Variants in MARCHF3 observed in about 807,000 individuals in gnomAD.
MARCHF3 encodes membrane associated ring-CH-type finger 3, also known as E3 ubiquitin-protein ligase MARCHF3.
In MARCHF3, 13 loss-of-function variants were observed where a neutral mutation model predicts 24.2. The ratio of observed to expected loss-of-function variants is 0.54; its 90% CI spans 0.35 to 0.85. The LOEUF (loss-of-function observed/expected upper bound fraction) is 0.85, where lower values mean the gene tolerates loss of function less well. Among genes scored for constraint, MARCHF3 ranks in the 40% least tolerant of loss-of-function variants. MARCHF3 has a pLI of 0.01. For synonymous variants in MARCHF3, 144 were observed against 137.3 expected (o/e 1.05, Z -0.34); for missense variants, 276 against 325.0 (o/e 0.85, Z 1.16).
intron 3 of MARCHF3, among the ~76,000 whole-genome samples, chr5:126,888,833 T>C (rs544656337): frequency 6.6e-6 from 1 of 152,298 alleles, no homozygotes; most frequent in Admixed American, 6.5e-5. Flanking sequence ...GGCACAATCT[T>C]GGCTCACTGC....
At chr5:127,025,155 T>C (rs558627910) in intron 1 of MARCHF3, among the ~76,000 whole-genome samples, 43 of 152,210 alleles carry the variant, frequency 2.8e-4, no homozygotes, top group African/African-American at 1.0e-3. Context: ...ACTGAGTTAA[T>C]ATAACAGGGA....
chr5:126,968,657 C>A (rs1024813304), intron 1 of MARCHF3, among the ~76,000 whole-genome samples: 1 of 152,156 alleles, frequency 6.6e-6, no homozygotes, highest in African/African-American at 2.4e-5. Flanking sequence ...CTCACTGCAA[C>A]CTCCACCTCC....
chr5:126,934,383 C>G (rs1749571368), intron 1 of MARCHF3, among the ~76,000 whole-genome samples: 1 of 151,986 alleles, frequency 6.6e-6, no homozygotes, highest in African/African-American at 2.4e-5. Flanking sequence ...TTCTATCTGA[C>G]TTAACTTCTA....
chr5:126,960,959 T>C (rs888050945), intron 1 of MARCHF3, among the ~76,000 whole-genome samples: 3 of 152,142 alleles, frequency 2.0e-5, no homozygotes, highest in African/African-American at 7.2e-5. Context: ...AAGTACTCAC[T>C]AGAATGAATT....
intron 3 of MARCHF3, among the ~76,000 whole-genome samples, chr5:126,911,459 C>A (rs1754529552): frequency 6.6e-6 from 1 of 152,126 alleles, no homozygotes; most frequent in African/African-American, 2.4e-5. Context: ...TAGAAAAGAA[C>A]CTACATGACT....
intron 3 of MARCHF3, among the ~76,000 whole-genome samples, chr5:126,914,253 G>C (rs928143801): frequency 6.6e-6 from 1 of 151,938 alleles, no homozygotes; most frequent in Non-Finnish European, 1.5e-5. Context: ...AAAGTGCTGG[G>C]ATTACAGACA....
chr5:126,891,503 A>G (rs1246677112), intron 3 of MARCHF3, among the ~76,000 whole-genome samples: 3 of 100,972 alleles, frequency 3.0e-5, no homozygotes, highest in African/African-American at 4.3e-5. Context: ...AGCTTTCTAC[A>G]TATGGCTAGC....
At position 126,913,201 on chromosome 5, in the gene MARCHF3, C is replaced by A. The variant is rs755000226; in HGVS notation, c.393+1729G>T. 3.1e-4 allele frequency among the ~76,000 whole-genome samples: 47 copies of A among 152,302 alleles called. 1 individual carries two copies. Among genetic ancestry groups the A allele is most frequent in the Non-Finnish European group, 5.0e-4 (34 of 68,024 alleles). ...GTGTGCACACACAGATGCACACACA[C>A]CCTCCTTTGTTATATATTACGTGCA... On this transcript the variant is annotated intron_variant, in intron 3 of 4. Coordinates refer to ENST00000308660, the MANE Select transcript of MARCHF3 (RefSeq NM_178450.5).
chr5:126,999,100 G>A (rs1752040149), intron 1 of MARCHF3, among the ~76,000 whole-genome samples: 1 of 152,154 alleles, frequency 6.6e-6, no homozygotes, highest in Non-Finnish European at 1.5e-5. Flanking sequence ...GAATACCTAA[G>A]TCAGCAAAAC....
At chr5:127,026,412 C>T (rs1326962349) in intron 1 of MARCHF3, among the ~76,000 whole-genome samples, 4 of 152,178 alleles carry the variant, frequency 2.6e-5, no homozygotes, top group African/African-American at 4.8e-5. Flanking sequence ...TAGGCTTTGC[C>T]GCTTTTGTAA....
chr5:126,881,200 A>C (rs771488211), intron 3 of MARCHF3, among the ~76,000 whole-genome samples: 1 of 151,878 alleles, frequency 6.6e-6, no homozygotes, highest in Admixed American at 6.6e-5. Context: ...TGTTAACTCT[A>C]GTTTTGGGGG....
In MARCHF3 at chr5:126,939,792, C is replaced by T. The variant is rs141735760; in HGVS notation, c.-56-21565G>A. Among the ~76,000 whole-genome samples, 293 of 152,278 alleles carry T rather than the reference C, an allele frequency of 1.9e-3. 1 individual carries two copies. The highest frequency in any genetic ancestry group is 6.9e-3 in the African/African-American group (286 of 41,546). On this transcript the variant is annotated intron_variant, in intron 1 of 4. Coordinates refer to ENST00000308660, the MANE Select transcript of MARCHF3 (RefSeq NM_178450.5). Reference sequence around the variant, plus strand: ...TGTGGACCACTGGCCACATTTTCATCTACCAATCAATACATAACCTTGTTT... The same window carrying T: ...TGTGGACCACTGGCCACATTTTCATTTACCAATCAATACATAACCTTGTTT...
rs188888677 is a variant in MARCHF3 at position 127,009,070 on chromosome 5, C to A, written c.-57+21280G>T. On this transcript the variant is annotated intron_variant, in intron 1 of 4. Coordinates refer to ENST00000308660, the MANE Select transcript of MARCHF3 (RefSeq NM_178450.5). ...AGGTAGGTTTTCAAATAAAGGAAGA[C>A]AGGACCAAAAGATGATCTCCAGAAT... Among the ~76,000 whole-genome samples, 67 of 152,162 alleles carry A rather than the reference C, an allele frequency of 4.4e-4. No homozygotes were observed. In the East Asian group the frequency reaches 6.2e-3, roughly 14 times the overall value.
chr5:126,927,885 A>T (rs79720394), intron 1 of MARCHF3, among the ~76,000 whole-genome samples: 77 of 152,336 alleles, frequency 5.1e-4, no homozygotes, highest in African/African-American at 1.7e-3. Context: ...AAACAAAAAC[A>T]ACTTTATATT....
chr5:126,931,050 G>C (rs1749465885), intron 1 of MARCHF3, among the ~76,000 whole-genome samples: 1 of 152,226 alleles, frequency 6.6e-6, no homozygotes, highest in Non-Finnish European at 1.5e-5. Flanking sequence ...TTTCTATTTA[G>C]TTTGAAATTG....
intron 3 of MARCHF3, among the ~76,000 whole-genome samples, chr5:126,879,391 G>A (rs901722706): frequency 6.6e-6 from 1 of 152,108 alleles, no homozygotes; most frequent in Non-Finnish European, 1.5e-5. Flanking sequence ...ATACTCACCT[G>A]ACCCCATGAA....
At chr5:127,004,250 C>CTCCCTAT in intron 1 of MARCHF3, among the ~76,000 whole-genome samples, 1 of 152,246 alleles carries the variant, frequency 6.6e-6, no homozygotes, top group South Asian at 2.1e-4. Flanking sequence ...AAATAGGCTG[C>CTCCCTAT]AAAACGGGGC....
chr5:126,956,908 G>A (rs1750466585), intron 1 of MARCHF3, among the ~76,000 whole-genome samples: 1 of 152,034 alleles, frequency 6.6e-6, no homozygotes, highest in African/African-American at 2.4e-5. Context: ...GAATTGGCAG[G>A]TTAAGAACGG....
At chr5:126,874,221 G>T (rs989353894) in intron 4 of MARCHF3, among the ~76,000 whole-genome samples, 1 of 152,160 alleles carries the variant, frequency 6.6e-6, no homozygotes, top group Non-Finnish European at 1.5e-5. Context: ...ATTATGAGAA[G>T]GGTTAGAAAA....
Sources: gnomAD v4.1 joint callset for allele counts (sites outside exome capture counted in the v4.1 genomes callset) on GRCh38, gnomAD v4.1.1 for gene constraint, MANE v1.5 for transcripts, NCBI Gene and HGNC (gene_info 2026-07-23, HGNC 2026-07-21) for gene names.